The following IGSF11 variants were observed in gnomAD, a reference collection of about 807,000 sequenced individuals.
The protein encoded by IGSF11 is CXADR like 1.
Under a neutral mutation model 41.0 loss-of-function variants are expected in IGSF11, and 22 were observed. The observed-to-expected ratio is 0.54, with a 90% CI of 0.38 to 0.77. IGSF11 has a LOEUF of 0.77. IGSF11 is among the 30% of genes least tolerant of loss of function. IGSF11 has a pLI of 0.00. For synonymous variants in IGSF11, 219 were observed against 201.3 expected (o/e 1.09, Z -0.74); for missense variants, 444 against 530.8 (o/e 0.84, Z 1.61).
chr3:118,908,762 A>G (rs1207167478), intron 4 of IGSF11, among the ~76,000 whole-genome samples: 3 of 152,192 alleles, frequency 2.0e-5, no homozygotes, highest in African/African-American at 7.2e-5. Flanking sequence ...AACAAATGTT[A>G]GTGTACATTT....
At chr3:118,966,715 C>T (rs1212348615) in intron 1 of IGSF11, among the ~76,000 whole-genome samples, 1 of 152,178 alleles carries the variant, frequency 6.6e-6, no homozygotes, top group Non-Finnish European at 1.5e-5. Flanking sequence ...AGCCAGATCA[C>T]TTTAATAAGG....
At chr3:118,944,701 C>T (rs904590981) in intron 1 of IGSF11, among the ~76,000 whole-genome samples, 2 of 152,114 alleles carry the variant, frequency 1.3e-5, no homozygotes, top group African/African-American at 4.8e-5. Flanking sequence ...TCTCAGCACA[C>T]AGAGACCATA....
intron 1 of IGSF11, among the ~76,000 whole-genome samples, chr3:119,087,255 T>C (rs548110992): frequency 6.6e-6 from 1 of 152,188 alleles, no homozygotes; most frequent in South Asian, 2.1e-4. Context: ...AAAGAAGTCA[T>C]TATATGAAAA....
At chr3:118,945,056 G>C (rs1944012131) in intron 1 of IGSF11, 1 of 152,058 alleles carries the variant, frequency 6.6e-6, no homozygotes. Context: ...TTAGTTTTTT[G>C]ACATCTTTAA....
intron 1 of IGSF11, among the ~76,000 whole-genome samples, chr3:118,946,283 A>T (rs1015343461): frequency 6.6e-6 from 1 of 151,712 alleles, no homozygotes; most frequent in East Asian, 1.9e-4. Context: ...TTTTTAAAAA[A>T]ATCACACAAC....
chr3:118,946,355 T>C, intron 1 of IGSF11, among the ~76,000 whole-genome samples: 1 of 151,788 alleles, frequency 6.6e-6, no homozygotes, highest in Non-Finnish European at 1.5e-5. Flanking sequence ...GCTAGCATAG[T>C]ATTATTGTAA....
chr3:118,940,333 T>C (rs1293257412), intron 1 of IGSF11, among the ~76,000 whole-genome samples: 2 of 152,152 alleles, frequency 1.3e-5, no homozygotes, highest in African/African-American at 4.8e-5. Context: ...TTTAGCAAGG[T>C]TTCAGAAATC....
rs540718504 is a variant in IGSF11, at chr3:119,057,282, T to C, written c.49+47862A>G. Among the ~76,000 whole-genome samples, 8 of 152,260 alleles carry C rather than the reference T, an allele frequency of 5.3e-5. No homozygotes were observed. The South Asian group carries it at 1.0e-3, about 20-fold the overall frequency. Reference sequence around the variant, plus strand: ...TAAGCAACTTCAGCAAAGTCTCAGATACAAAATCAATGTACAAAAATCACA... The same window carrying C: ...TAAGCAACTTCAGCAAAGTCTCAGACACAAAATCAATGTACAAAAATCACA... On this transcript the variant is annotated intron_variant, in intron 1 of 6. Coordinates refer to the IGSF11 transcript ENST00000354673.
chr3:119,043,223 AG>A (rs1310621623), intron 1 of IGSF11, among the ~76,000 whole-genome samples: 1 of 152,204 alleles, frequency 6.6e-6, no homozygotes, highest in Non-Finnish European at 1.5e-5. Context: ...GGGGACTCAA[AG>A]GGGGTTGCTG....
upstream of IGSF11, among the ~76,000 whole-genome samples, chr3:119,107,474 A>G (rs1276587106): frequency 6.6e-6 from 1 of 151,946 alleles, no homozygotes; most frequent in African/African-American, 2.4e-5. Context: ...TTCATTGTAG[A>G]TTCTGGATAT....
rs768329354 is a variant in IGSF11, at chr3:118,904,740, GATA to G, written c.759_761del (p.Ile255del). The stretch of plus-strand genomic sequence containing the variant: ...CTAAAATTAGTGCAATGCAAAAAAT[GATA>G]ATAACTGCACCAGTGCCAATGGCTC... On this transcript the variant is annotated inframe_deletion, in exon 6 of 7. Transcript: ENST00000393775. The G allele has an allele frequency of 1.2e-6, 2 of 1,613,608 alleles. No homozygotes were observed. The highest frequency in any genetic ancestry group is 2.2e-5 in the East Asian group (1 of 44,860).
At chr3:119,085,776 C>A (rs1219914834) in intron 1 of IGSF11, among the ~76,000 whole-genome samples, 1 of 152,158 alleles carries the variant, frequency 6.6e-6, no homozygotes, top group Non-Finnish European at 1.5e-5. Flanking sequence ...CAGAACAGAG[C>A]AAGCTAAGGA....
At chr3:119,108,045 G>C (rs984574883), upstream of IGSF11, among the ~76,000 whole-genome samples, 991 of 151,538 alleles carry the variant, frequency 6.5e-3, 7 homozygotes, top group African/African-American at 0.023. Flanking sequence ...TTATTCTTTT[G>C]GCTTAGGATT....
intron 1 of IGSF11, among the ~76,000 whole-genome samples, chr3:118,944,364 A>T (rs1288016008): frequency 6.6e-6 from 1 of 151,912 alleles, no homozygotes; most frequent in Admixed American, 6.6e-5. Context: ...CCAGTCTTAC[A>T]GTACTTTCTT....
At chr3:119,143,374 A>C (rs1012292714) in intron 1 of IGSF11, among the ~76,000 whole-genome samples, 7 of 152,184 alleles carry the variant, frequency 4.6e-5, no homozygotes, top group Non-Finnish European at 7.4e-5. Context: ...TTTGTATACC[A>C]TTGAAGCTAG....
At chr3:119,104,010 TTC>T (rs780340696) in intron 1 of IGSF11, among the ~76,000 whole-genome samples, 1 of 152,186 alleles carries the variant, frequency 6.6e-6, no homozygotes, top group Non-Finnish European at 1.5e-5. Context: ...AAATTTACAT[TTC>T]TGTTTTTTGT....
chr3:119,100,756 T>C (rs1188807635), intron 1 of IGSF11, among the ~76,000 whole-genome samples: 1 of 152,186 alleles, frequency 6.6e-6, no homozygotes, highest in Non-Finnish European at 1.5e-5. Flanking sequence ...TGTATGATCT[T>C]GGGTCTTGTG....
chr3:119,111,698 T>C, intron 1 of IGSF11, among the ~76,000 whole-genome samples: 1 of 152,248 alleles, frequency 6.6e-6, no homozygotes, highest in Non-Finnish European at 1.5e-5. Context: ...TTTTCTGCTC[T>C]GTTGTTTCCC....
At chr3:119,125,546 A>G (rs1394733026) in intron 1 of IGSF11, among the ~76,000 whole-genome samples, 1 of 152,074 alleles carries the variant, frequency 6.6e-6, no homozygotes, top group Admixed American at 6.6e-5. Context: ...TCACAAGGGC[A>G]GGGAGGAATC....
Sources: gnomAD v4.1 joint callset for allele counts (sites outside exome capture counted in the v4.1 genomes callset) on GRCh38, gnomAD v4.1.1 for gene constraint, MANE v1.5 for transcripts, NCBI Gene and HGNC (gene_info 2026-07-23, HGNC 2026-07-21) for gene names.